Variants in COL11A1 observed in about 807,000 individuals in gnomAD.
COL11A1 encodes the protein collagen alpha-1(XI) chain.
In COL11A1, 74 loss-of-function variants were observed where a neutral mutation model predicts 265.2. The ratio of observed to expected loss-of-function variants is 0.28; its 90% CI spans 0.23 to 0.34. The LOEUF (loss-of-function observed/expected upper bound fraction) is 0.34, where lower values mean the gene tolerates loss of function less well. Among genes scored for constraint, COL11A1 ranks in the 10% least tolerant of loss-of-function variants. The probability of loss-of-function intolerance (pLI) is 1.00; values close to 1 mark genes in which losing one functional copy is unlikely to be tolerated. For synonymous variants in COL11A1, 816 were observed against 727.6 expected, an observed-to-expected ratio of 1.12 and a Z score of -1.96; for missense variants, 2,165 against 2,263.6, an observed-to-expected ratio of 0.96 and a Z score of 0.88.
chr1:102,973,943 T>G (rs1662216735), intron 36 of COL11A1, among the ~76,000 whole-genome samples: 1 of 152,236 alleles, frequency 6.6e-6, no homozygotes, highest in Non-Finnish European at 1.5e-5. Context: ...ATTGTTCATC[T>G]GGACTAGCAC....
chr1:102,912,338 ATC>A, intron 53 of COL11A1, 126 bp from the exon 54 acceptor site: 1 of 729,224 alleles, frequency 1.4e-6, no homozygotes, highest in Non-Finnish European at 2.3e-6. Flanking sequence ...TTCCTGGAAA[ATC>A]TCAGCCCTAT....
chr1:103,021,231 T>C (rs983636530), intron 9 of COL11A1, among the ~76,000 whole-genome samples: 2 of 151,640 alleles, frequency 1.3e-5, no homozygotes, highest in Non-Finnish European at 2.9e-5. Flanking sequence ...TAGAGATTCT[T>C]CTGTAGATGA....
rs576009236 is a variant in COL11A1 at position 103,099,250 on chromosome 1, A to G, written c.106+8823T>C. ...AACTATGTAACTATATTCCAAAAGA[A>G]TTTTACAACTATTGTCTATTAATCT... On this transcript the variant is annotated intron_variant, in intron 1 of 66. Transcript: ENST00000370096. Among the ~76,000 whole-genome samples the G allele has an allele frequency of 3.6e-4, 55 of 151,804 alleles. No individual in the cohort carries two copies. The South Asian group carries it at 0.011, about 31-fold the overall frequency.
intron 42 of COL11A1, among the ~76,000 whole-genome samples, chr1:102,941,014 T>G (rs544152020): frequency 6.6e-6 from 1 of 152,172 alleles, no homozygotes; most frequent in Non-Finnish European, 1.5e-5. Flanking sequence ...TTTTTGTAAT[T>G]TAAAATAAAT....
Position 103,025,564 on chromosome 1 carries a change from C to T in COL11A1, c.947G>A (p.Ser316Asn), listed in dbSNP as rs765019834. The T allele has an allele frequency of 1.9e-6, 3 of 1,613,650 alleles. No homozygotes were observed. The highest frequency in any genetic ancestry group is 1.3e-5 in the African/African-American group (1 of 74,894). Residue 316 changes from serine to asparagine, a missense_variant, in exon 7 of 67, where the codon AGT (serine) becomes AAT (asparagine). Coordinates refer to ENST00000370096, the MANE Select transcript of COL11A1 (RefSeq NM_001854.4). ...FQEYNYGTME[S>N]YQTEAPRHVS... ...ATGCCTAGGAGCTTCTGTCTGGTAACTTTCCATTGTTCCATAGTTGTATTC... is the reference window on the plus strand; with the variant it reads ...ATGCCTAGGAGCTTCTGTCTGGTAATTTTCCATTGTTCCATAGTTGTATTC...
intron 31 of COL11A1, 57 bp downstream of exon 31, chr1:102,984,081 G>A: frequency 1.7e-6 from 2 of 1,150,096 alleles, no homozygotes; most frequent in East Asian, 4.7e-5. Flanking sequence ...GTAATCATAA[G>A]TGATTAATAT....
chr1:103,104,018 G>A (rs1005630799), intron 1 of COL11A1, among the ~76,000 whole-genome samples: 1 of 152,050 alleles, frequency 6.6e-6, no homozygotes, highest in African/African-American at 2.4e-5. Context: ...TTATGAGGAA[G>A]AGTATTCAGC....
chr1:103,024,856 C>G (rs558374776), intron 7 of COL11A1, among the ~76,000 whole-genome samples: 1 of 151,902 alleles, frequency 6.6e-6, no homozygotes, highest in African/African-American at 2.4e-5. Flanking sequence ...AAAATGTATA[C>G]CAGATATTTA....
chr1:102,915,760 A>T, intron 49 of COL11A1, 76 bp from the exon 50 acceptor site: 1 of 1,128,718 alleles, frequency 8.9e-7, no homozygotes, highest in Non-Finnish European at 1.3e-6. Flanking sequence ...ATGTTATCAT[A>T]TCATTTTAGA....
chr1:102,926,451 A>T (rs1204062836), intron 46 of COL11A1, among the ~76,000 whole-genome samples: 1 of 152,182 alleles, frequency 6.6e-6, no homozygotes, highest in Non-Finnish European at 1.5e-5. Flanking sequence ...ATGTAACCTG[A>T]ATATTAGATT....
chr1:102,928,267 C>A (rs1296539201), intron 46 of COL11A1, among the ~76,000 whole-genome samples: 3 of 150,692 alleles, frequency 2.0e-5, no homozygotes, highest in Non-Finnish European at 2.9e-5. Flanking sequence ...CACCCCACCA[C>A]AGTCCCCAGA....
chr1:102,946,865 C>G lies in COL11A1; in HGVS notation c.3260G>C (p.Gly1087Ala). 1.2e-6 allele frequency: 2 copies of G among 1,613,438 alleles called. No homozygotes were observed. The highest frequency in any genetic ancestry group is 1.7e-6 in the Non-Finnish European group (2 of 1,179,762). ...PGPQGPPGPA[G>A]EKGAPGEKGP... is the part of the protein sequence containing the mutation. ...ATTACTTACAGGAGCACCTTTCTCT[C>G]CAGCTGGACCAGGAGGACCCTGAGG... is the stretch of plus-strand genomic sequence containing the variant. Residue 1087 changes from glycine (G) to alanine (A), a missense_variant, in exon 42 of 67, where the codon GGA (glycine) becomes GCA (alanine). Gly to Ala is a moderately conservative substitution (Grantham distance 60). Transcript: ENST00000370096.
intron 57 of COL11A1, among the ~76,000 whole-genome samples, chr1:102,897,205 G>C (rs770910202): frequency 2.0e-5 from 3 of 151,944 alleles, no homozygotes; most frequent in Non-Finnish European, 4.4e-5. Context: ...AATTTTTCCT[G>C]AATGAACTGT....
rs879932909 is a variant in COL11A1 at position 102,936,462 on chromosome 1, A to G, written c.3439-1349T>C. Among the ~76,000 whole-genome samples, 3 of 152,174 alleles carry G rather than the reference A, an allele frequency of 2.0e-5. 1 individual carries two copies. Among genetic ancestry groups the G allele is most frequent in the African/African-American group, 7.2e-5 (3 of 41,460 alleles). ...AGTAAGTATGATTTTGGCAGATGTT[A>G]TTCAATATAAAGGAAGCCTTGGATT... is the stretch of plus-strand genomic sequence containing the variant. On this transcript the variant is annotated intron_variant, in intron 44 of 66. Transcript: ENST00000370096.
chr1:103,030,831 C>G (rs1667924850), intron 5 of COL11A1: 1 of 384,310 alleles, frequency 2.6e-6, no homozygotes, highest in South Asian at 2.2e-5. Flanking sequence ...ATCGCTATTA[C>G]ATATTATCTT....
chr1:103,006,772 C>A (rs1352403816), intron 15 of COL11A1, among the ~76,000 whole-genome samples: 1 of 152,078 alleles, frequency 6.6e-6, no homozygotes, highest in Non-Finnish European at 1.5e-5. Context: ...TTGTGATCCA[C>A]CCATCTCGGC....
At chr1:102,972,235 C>T (rs977993310) in intron 36 of COL11A1, among the ~76,000 whole-genome samples, 1 of 152,056 alleles carries the variant, frequency 6.6e-6, no homozygotes, top group Non-Finnish European at 1.5e-5. Flanking sequence ...TTCCACCATA[C>T]TAAAGTGCTT....
chr1:103,045,464 C>A, intron 4 of COL11A1, among the ~76,000 whole-genome samples: 1 of 152,066 alleles, frequency 6.6e-6, no homozygotes, highest in East Asian at 1.9e-4. Flanking sequence ...ATAGACAATA[C>A]TTAGTTGGCA....
intron 4 of COL11A1, among the ~76,000 whole-genome samples, chr1:103,064,644 T>C (rs12753436): frequency 0.037 from 5,509 of 149,318 alleles, 112 homozygotes; most frequent in Middle Eastern, 0.093. Flanking sequence ...TGAGCCTAGG[T>C]TGCGCCACTG....
Sources: allele counts gnomAD v4.1 joint callset (sites outside exome capture counted in the v4.1 genomes callset), GRCh38; gene constraint gnomAD v4.1.1; transcripts MANE v1.5; gene names NCBI Gene and HGNC (gene_info 2026-07-23, HGNC 2026-07-21).